The following NMD3 variants were observed in gnomAD, a reference collection of about 807,000 sequenced individuals.
NMD3 encodes the protein NMD3 ribosome export adaptor, also known as 60S ribosomal export protein NMD3.
A neutral mutation model predicts 73.1 loss-of-function variants in NMD3; 47 were observed. The observed-to-expected ratio is 0.64, with a 90% CI of 0.51 to 0.82. NMD3 has a LOEUF of 0.82. Ranked by LOEUF, NMD3 falls within the 40% of genes least tolerant of loss-of-function variation. The pLI is 0.00. For missense variants in NMD3, 554 were observed against 612.5 expected, an observed-to-expected ratio of 0.90 and a Z score of 1.01; for synonymous variants, 210 against 194.5, an observed-to-expected ratio of 1.08 and a Z score of -0.66.
At chr3:161,238,264 G>A (rs920897060) in intron 8 of NMD3, 73 bp downstream of exon 8, 1 of 921,112 alleles carries the variant, frequency 1.1e-6, no homozygotes, top group East Asian at 2.5e-5. Flanking sequence ...TATTCTTCAG[G>A]CTCAGACAAC....
At chr3:161,239,499 C>A (rs1210269698) in intron 9 of NMD3, among the ~76,000 whole-genome samples, 1 of 152,084 alleles carries the variant, frequency 6.6e-6, no homozygotes, top group African/African-American at 2.4e-5. Context: ...ATTATTGTGA[C>A]CATTCTACAT....
chr3:161,242,083 A>G (rs1157065548), intron 10 of NMD3, among the ~76,000 whole-genome samples: 3 of 152,156 alleles, frequency 2.0e-5, no homozygotes, highest in African/African-American at 7.2e-5. Context: ...GTTAGGATTC[A>G]TAAGTTAAAG....
downstream of NMD3, chr3:161,253,468 T>C (rs1430892446): frequency 2.0e-5 from 3 of 152,224 alleles, no homozygotes; most frequent in African/African-American, 7.2e-5. Flanking sequence ...TTGCCTCATT[T>C]GCTTTCTTTC....
chr3:161,247,476 T>A, intron 13 of NMD3, 146 bp downstream of exon 13: 10 of 268,618 alleles, frequency 3.7e-5, no homozygotes, highest in Non-Finnish European at 5.2e-5. Flanking sequence ...ATAGCAAAAT[T>A]TTTTTTTTTT....
chr3:161,230,686 T>C (rs776577533), intron 4 of NMD3, among the ~76,000 whole-genome samples: 1 of 152,340 alleles, frequency 6.6e-6, no homozygotes, highest in East Asian at 1.9e-4. Context: ...TAATATTTCA[T>C]GGAACAAAGT....
intron 3 of NMD3, 115 bp from the exon 4 acceptor site, chr3:161,227,132 A>G (rs1389465095): frequency 1.3e-5 from 8 of 615,380 alleles, no homozygotes; most frequent in East Asian, 2.9e-5. Context: ...GCTTCATATC[A>G]TCCTTGGGTT....
rs536076472 is a variant in NMD3, at chr3:161,222,373, T to C, written c.44+316T>C. On this transcript the variant is annotated intron_variant, in intron 2 of 15. Transcript: ENST00000351193. ...CTTACTTTTTTTTTTTGAGACGGAA[T>C]CTCGCTCTGTTGCCCAGGCTGGAGT... Among the ~76,000 whole-genome samples, 10 of 152,056 alleles carry C rather than the reference T, an allele frequency of 6.6e-5. 2 individuals carry two copies. The South Asian group carries it at 2.1e-3, about 32-fold the overall frequency.
At chr3:161,252,918 G>A, downstream of NMD3, 1 of 579,656 alleles carries the variant, frequency 1.7e-6, no homozygotes, top group Admixed American at 2.9e-5. Context: ...GGCCAACATA[G>A]TGAAACCCTG....
rs1737509615 is a variant in NMD3, at chr3:161,252,082, T to C, written c.*1172T>C. The C allele has an allele frequency of 6.6e-6, 1 of 152,182 alleles. No individual in the cohort carries two copies. 9.4% of individuals were successfully genotyped at this position (152,182 alleles called of 1,614,324 possible). A position where few individuals can be genotyped will look rare whatever the true frequency, so the allele number is the denominator to read the frequency against. On this transcript the variant is annotated 3_prime_UTR_variant, in exon 16 of 16. Transcript: ENST00000351193. Reference sequence around the variant, plus strand: ...GAAATTATGGATAAAGTCCTAAATTTTCTATAGTGGCTTCTTTTCTGTCTG... The same window carrying C: ...GAAATTATGGATAAAGTCCTAAATTCTCTATAGTGGCTTCTTTTCTGTCTG...
At chr3:161,245,062 C>A (rs986385658) in intron 11 of NMD3, among the ~76,000 whole-genome samples, 1 of 151,996 alleles carries the variant, frequency 6.6e-6, no homozygotes, top group Non-Finnish European at 1.5e-5. Context: ...TAACCCATAT[C>A]TGAAATCAAA....
In NMD3 at chr3:161,246,391, A is replaced by T. The variant is rs1289973297; in HGVS notation, c.1073A>T (p.Gln358Leu). 6.5e-7 allele frequency: 1 copy of T among 1,531,680 alleles called. No homozygotes were observed. Among genetic ancestry groups the T allele is most frequent in the Non-Finnish European group, 8.9e-7 (1 of 1,123,112 alleles). 94.9% of individuals were successfully genotyped at this position (1,531,680 alleles called of 1,614,324 possible). ...QKTSEMNTDK[Q>L]YFCRTHLGHL... ...ACATCTGAAATGAATACAGATAAAC[A>T]GTATTTTTGTCGTACTCATTTGGGA... The change falls in exon 12 of 16, where the codon CAG becomes CTG. Residue 358 changes from glutamine (Q) to leucine (L), a missense_variant. Physicochemically the swap from Gln to Leu is moderately radical, Grantham distance 113. Transcript: ENST00000351193.
At chr3:161,252,739 A>G (rs893796347), downstream of NMD3, 56 of 661,076 alleles carry the variant, frequency 8.5e-5, no homozygotes, top group Non-Finnish European at 1.4e-4. Flanking sequence ...AATATAATTT[A>G]CAAGTCATTA....
At chr3:161,238,450 A>G (rs968296306) in intron 8 of NMD3, among the ~76,000 whole-genome samples, 8 of 152,218 alleles carry the variant, frequency 5.3e-5, no homozygotes, top group Non-Finnish European at 1.2e-4. Flanking sequence ...AGTGGGCGTT[A>G]GTATGGCTTT....
intron 6 of NMD3, 113 bp from the exon 7 acceptor site, chr3:161,235,009 G>T: frequency 1.1e-6 from 1 of 936,020 alleles, no homozygotes; most frequent in East Asian, 2.5e-5. Context: ...AATCTTTAAA[G>T]ATTGTTATTG....
intron 2 of NMD3, among the ~76,000 whole-genome samples, chr3:161,223,911 T>G (rs1323771953): frequency 6.6e-6 from 1 of 152,208 alleles, no homozygotes; most frequent in Non-Finnish European, 1.5e-5. Context: ...ATTACACTTG[T>G]GGTTGGGAAG....
chr3:161,252,960 G>T (rs1455622590), downstream of NMD3: 13 of 475,112 alleles, frequency 2.7e-5, no homozygotes, highest in South Asian at 3.4e-4. Context: ...TTATCCGGGC[G>T]TGGTGGTGCA....
downstream of NMD3, chr3:161,253,502 C>T (rs528079567): frequency 1.3e-5 from 2 of 152,116 alleles, no homozygotes; most frequent in African/African-American, 2.4e-5. Flanking sequence ...TAATTTTTTC[C>T]TCAACATTTA....
chr3:161,224,631 C>T (rs1031779911), intron 2 of NMD3, among the ~76,000 whole-genome samples: 7 of 151,786 alleles, frequency 4.6e-5, no homozygotes, highest in African/African-American at 1.2e-4. Context: ...GGATTACAGG[C>T]GTGCGCCACC....
intron 4 of NMD3, among the ~76,000 whole-genome samples, chr3:161,231,184 G>A (rs1177768856): frequency 2.0e-5 from 3 of 152,380 alleles, no homozygotes; most frequent in Middle Eastern, 6.8e-3. Flanking sequence ...TTTGAAGCTA[G>A]TGAGGAGGAA....
Sources: gnomAD v4.1 joint callset for allele counts (sites outside exome capture counted in the v4.1 genomes callset) on GRCh38, gnomAD v4.1.1 for gene constraint, MANE v1.5 for transcripts, NCBI Gene and HGNC (gene_info 2026-07-23, HGNC 2026-07-21) for gene names.